YAF2: variants seen among roughly 807,000 people sequenced by gnomAD.
YAF2 encodes the protein YY1 associated factor 2.
A neutral mutation model predicts 20.1 loss-of-function variants in YAF2; 7 were observed. The observed-to-expected ratio is 0.35, with a 90% confidence interval of 0.20 to 0.65. The LOEUF is 0.65. Among genes scored for constraint, YAF2 ranks in the 30% least tolerant of loss-of-function variants. The pLI is 0.69. For synonymous variants in YAF2, 74 were observed against 76.0 expected (o/e 0.97, Z 0.14); for missense variants, 151 against 219.2 (o/e 0.69, Z 1.96).
intron 2 of YAF2, among the ~76,000 whole-genome samples, chr12:42,209,685 T>G (rs1341863758): frequency 2.0e-5 from 3 of 151,338 alleles, no homozygotes; most frequent in South Asian, 2.1e-4. Context: ...TTTTACAATA[T>G]AAGTATTTAC....
At chr12:42,176,725 G>A (rs2066203575) in intron 2 of YAF2, among the ~76,000 whole-genome samples, 1 of 152,044 alleles carries the variant, frequency 6.6e-6, no homozygotes, top group Non-Finnish European at 1.5e-5. Context: ...ACTTTGGGAG[G>A]CTGAGGTGGG....
chr12:42,235,503 A>T (rs2068120323), intron 2 of YAF2: 12 of 1,271,750 alleles, frequency 9.4e-6, no homozygotes, highest in Non-Finnish European at 1.2e-5. Flanking sequence ...AAAATAACAG[A>T]TAACAGAGAA....
At chr12:42,190,890 A>G (rs1315755912) in intron 2 of YAF2, among the ~76,000 whole-genome samples, 1 of 151,960 alleles carries the variant, frequency 6.6e-6, no homozygotes, top group African/African-American at 2.4e-5. Context: ...GTGGTTAATA[A>G]TATTTCTACT....
chr12:42,185,545 T>C (rs1214295890), intron 2 of YAF2, among the ~76,000 whole-genome samples: 1 of 152,190 alleles, frequency 6.6e-6, no homozygotes, highest in East Asian at 1.9e-4. Context: ...TGGAAAACTT[T>C]ATTGTCTTAA....
intron 2 of YAF2, chr12:42,231,452 T>C (rs1322240761): frequency 1.3e-5 from 2 of 152,160 alleles, no homozygotes; most frequent in African/African-American, 4.8e-5. Flanking sequence ...GGTAAGTAGT[T>C]GAATAGCATT....
intron 2 of YAF2, 44 bp from the exon 3 acceptor site, chr12:42,161,809 A>G (rs1482915365): frequency 6.5e-7 from 1 of 1,530,050 alleles, no homozygotes; most frequent in African/African-American, 1.4e-5. Flanking sequence ...TTACAACTTA[A>G]AACATAAGTG....
At chr12:42,197,383 G>A (rs919520111) in intron 2 of YAF2, among the ~76,000 whole-genome samples, 2 of 152,226 alleles carry the variant, frequency 1.3e-5, no homozygotes, top group African/African-American at 4.8e-5. Flanking sequence ...TGTGATCACA[G>A]TGGATGGGAG....
chr12:42,233,367 CT>C, intron 2 of YAF2: 1 of 985,072 alleles, frequency 1.0e-6, no homozygotes, highest in Non-Finnish European at 1.2e-6. Flanking sequence ...TAAATATTTG[CT>C]ATCTGAATTA....
chr12:42,186,170 C>A (rs189167969), intron 2 of YAF2, among the ~76,000 whole-genome samples: 1,400 of 128,224 alleles, frequency 0.011, 26 homozygotes, highest in African/African-American at 0.041. Context: ...AGCCTGGGCA[C>A]CAGAGCCAAA....
chr12:42,177,582 T>C (rs548268999), intron 2 of YAF2, among the ~76,000 whole-genome samples: 1 of 152,262 alleles, frequency 6.6e-6, no homozygotes, highest in East Asian at 1.9e-4. Flanking sequence ...CTACCAGCCT[T>C]ATCTCCAAAT....
rs1233780569 is a variant in YAF2, at chr12:42,157,448, G to T, written c.*3141C>A. 2 of 152,190 alleles carry T rather than the reference G, an allele frequency of 1.3e-5. No individual in the cohort carries two copies. Among genetic ancestry groups the T allele is most frequent in the African/African-American group, 4.8e-5 (2 of 41,416 alleles). 9.4% of individuals were successfully genotyped at this position (152,190 alleles called of 1,614,324 possible). A position where few individuals can be genotyped will look rare whatever the true frequency, so the allele number is the denominator to read the frequency against. On this transcript the variant is annotated 3_prime_UTR_variant, in exon 4 of 4. Transcript: ENST00000534854. ...CAGGCCTCAGCATGAGTTTTGGTGAGGACAAACCATATCCAAACCATAGCA... is the reference window on the plus strand; with the variant it reads ...CAGGCCTCAGCATGAGTTTTGGTGATGACAAACCATATCCAAACCATAGCA...
chr12:42,228,319 C>T (rs1431603687), intron 2 of YAF2, among the ~76,000 whole-genome samples: 3 of 72,888 alleles, frequency 4.1e-5, no homozygotes, highest in Admixed American at 2.3e-4. Flanking sequence ...CCCCCCTGCC[C>T]GGCCAGCCAC....
At position 42,160,533 on chromosome 12, in the gene YAF2, A is replaced by C; in HGVS notation, c.*56T>G. On this transcript the variant is annotated 3_prime_UTR_variant, in exon 4 of 4. Transcript: ENST00000534854. Reference sequence around the variant, plus strand: ...TGAAAATGTGGTACCTCTTGGCATAATCTGTGTATTTGCATGGTAGGACAG... The same window carrying C: ...TGAAAATGTGGTACCTCTTGGCATACTCTGTGTATTTGCATGGTAGGACAG... The C allele has an allele frequency of 7.5e-7, 1 of 1,341,688 alleles. No individual in the cohort carries two copies. Among genetic ancestry groups the C allele is most frequent in the Non-Finnish European group, 1.1e-6 (1 of 948,430 alleles). The allele number at this position is 1,341,688 out of a possible 1,614,324, so 83.1% of individuals were successfully genotyped here.
At position 42,232,579 on chromosome 12, in the gene YAF2, TAGAC is replaced by T. The variant is rs892068730; in HGVS notation, c.152+5016_152+5019del. ...ATGGTTGCTAGAAAGGCTCCTCAGATAGACAGGAGGCGGCTCAGGAACCATGCAT... is the reference window on the plus strand; with the variant it reads ...ATGGTTGCTAGAAAGGCTCCTCAGATAGGAGGCGGCTCAGGAACCATGCAT... On this transcript the variant is annotated intron_variant, in intron 2 of 3. Coordinates refer to ENST00000534854, the MANE Select transcript of YAF2 (RefSeq NM_005748.6). 7 of 985,270 alleles carry T rather than the reference TAGAC, an allele frequency of 7.1e-6. No individual in the cohort carries two copies. In the African/African-American group the frequency reaches 1.0e-4, roughly 15 times the overall value. The allele number at this position is 985,270 out of a possible 1,614,324, so 61.0% of individuals were successfully genotyped here.
At chr12:42,234,192 GAGAAAAGAAAAGAAA>G (rs67374165) in intron 2 of YAF2, 495,105 of 908,332 alleles carry the variant, frequency 0.55, 123,407 homozygotes, top group South Asian at 0.63. Flanking sequence ...AAAAAAAAAA[GAGAAAAGAAAAGAAA>G]AGAAAAGAAA....
At chr12:42,223,431 T>C (rs1056166783) in intron 2 of YAF2, among the ~76,000 whole-genome samples, 2 of 152,008 alleles carry the variant, frequency 1.3e-5, no homozygotes, top group Non-Finnish European at 2.9e-5. Context: ...TCAAAGAACA[T>C]AATTTGGGTG....
intron 2 of YAF2, among the ~76,000 whole-genome samples, chr12:42,219,190 T>G (rs1015597506): frequency 2.6e-5 from 4 of 152,240 alleles, no homozygotes; most frequent in African/African-American, 9.6e-5. Flanking sequence ...TTGCTCCCAC[T>G]GAGCCAATTC....
intron 2 of YAF2, among the ~76,000 whole-genome samples, chr12:42,195,730 G>C (rs563904143): frequency 8.5e-5 from 13 of 152,228 alleles, no homozygotes; most frequent in Admixed American, 5.9e-4. Flanking sequence ...GTAGAGAATA[G>C]ACCATCGAAC....
chr12:42,177,692 C>T lies in YAF2; in HGVS notation c.153-15927G>A, dbSNP rs372567914. On this transcript the variant is annotated intron_variant, in intron 2 of 3. Transcript: ENST00000534854. The stretch of plus-strand genomic sequence containing the variant: ...GCATCAATGGCTTTCTACTTCTGCC[C>T]GAGGGTTTCCCCTGCTGTTCCTCTG... Among the ~76,000 whole-genome samples, 166 of 152,262 alleles carry T rather than the reference C, an allele frequency of 1.1e-3. 1 individual carries two copies. Among genetic ancestry groups the T allele is most frequent in the South Asian group, 2.3e-3 (11 of 4,818 alleles).
Sources: allele counts gnomAD v4.1 joint callset (sites outside exome capture counted in the v4.1 genomes callset), GRCh38; gene constraint gnomAD v4.1.1; transcripts MANE v1.5; gene names NCBI Gene and HGNC (gene_info 2026-07-23, HGNC 2026-07-21).